ADAMTSL3: variants seen among roughly 807,000 people sequenced by gnomAD.
ADAMTSL3 encodes the protein ADAMTS-like protein 3.
In ADAMTSL3, 128 loss-of-function variants were observed where a neutral mutation model predicts 201.7. The ratio of observed to expected loss-of-function variants is 0.63; its 90% confidence interval spans 0.55 to 0.73. ADAMTSL3 has a LOEUF of 0.73. ADAMTSL3 is among the 30% of genes least tolerant of loss of function. ADAMTSL3 has a pLI of 0.00. For missense variants in ADAMTSL3, 1,990 were observed against 2,119.6 expected (o/e 0.94, Z 1.20); for synonymous variants, 738 against 748.4 (o/e 0.99, Z 0.23).
intron 5 of ADAMTSL3, among the ~76,000 whole-genome samples, chr15:83,816,401 C>G (rs1219153678): frequency 6.6e-6 from 1 of 152,212 alleles, no homozygotes; most frequent in Non-Finnish European, 1.5e-5. Context: ...TCTGGCCACC[C>G]TGAGGCTGAC....
At chr15:83,903,217 T>G (rs2065760309) in intron 15 of ADAMTSL3, among the ~76,000 whole-genome samples, 1 of 151,280 alleles carries the variant, frequency 6.6e-6, no homozygotes, top group Non-Finnish European at 1.5e-5. Flanking sequence ...TCACCAACAT[T>G]TTCTTTTTCT....
At chr15:83,807,389 G>A (rs2063617467) in intron 5 of ADAMTSL3, among the ~76,000 whole-genome samples, 1 of 152,150 alleles carries the variant, frequency 6.6e-6, no homozygotes, top group Non-Finnish European at 1.5e-5. Flanking sequence ...CCGGGAGGTG[G>A]GAGTTGCAGT....
chr15:83,687,620 A>G (rs1199917908), intron 2 of ADAMTSL3, among the ~76,000 whole-genome samples: 1 of 152,166 alleles, frequency 6.6e-6, no homozygotes, highest in Non-Finnish European at 1.5e-5. Flanking sequence ...TAATCTTTAC[A>G]TAGCCTACAG....
intron 9 of ADAMTSL3, among the ~76,000 whole-genome samples, chr15:83,875,542 TG>T (rs1164960612): frequency 6.6e-6 from 1 of 152,208 alleles, no homozygotes; most frequent in Middle Eastern, 3.2e-3. Flanking sequence ...ACCAGCACTT[TG>T]GGAGGCTGAG....
chr15:83,852,902 G>T (rs573361695), intron 7 of ADAMTSL3, among the ~76,000 whole-genome samples: 1 of 152,118 alleles, frequency 6.6e-6, no homozygotes, highest in Non-Finnish European at 1.5e-5. Context: ...TGTCGCCCAG[G>T]CTGGAATGCA....
chr15:83,692,205 G>C (rs2061618078), intron 2 of ADAMTSL3, among the ~76,000 whole-genome samples: 1 of 151,546 alleles, frequency 6.6e-6, no homozygotes, highest in South Asian at 2.1e-4. Context: ...GTATTGCAGG[G>C]GTTGATGTTA....
intron 6 of ADAMTSL3, among the ~76,000 whole-genome samples, chr15:83,821,770 A>T (rs2063871974): frequency 6.6e-6 from 1 of 151,542 alleles, no homozygotes; most frequent in South Asian, 2.1e-4. Context: ...CACCTCCCAG[A>T]CGGGGTGGTG....
intron 27 of ADAMTSL3, among the ~76,000 whole-genome samples, chr15:84,029,495 G>C (rs193220134): frequency 6.6e-6 from 1 of 152,192 alleles, no homozygotes; most frequent in Non-Finnish European, 1.5e-5. Flanking sequence ...GCATTCAAGA[G>C]GTGACTTGGA....
chr15:83,839,086 C>T (rs1461582203), intron 7 of ADAMTSL3, among the ~76,000 whole-genome samples: 1 of 152,138 alleles, frequency 6.6e-6, no homozygotes, highest in Non-Finnish European at 1.5e-5. Flanking sequence ...TCTGCCAGTA[C>T]TTTTATGGTT....
chr15:84,024,910 G>C (rs1207995717), intron 26 of ADAMTSL3, among the ~76,000 whole-genome samples: 2 of 152,214 alleles, frequency 1.3e-5, no homozygotes, highest in Non-Finnish European at 2.9e-5. Flanking sequence ...GTTTCAGTGA[G>C]TTGAACTCCA....
chr15:83,920,275 T>A (rs1023298234), intron 16 of ADAMTSL3, among the ~76,000 whole-genome samples: 1 of 152,166 alleles, frequency 6.6e-6, no homozygotes, highest in Non-Finnish European at 1.5e-5. Flanking sequence ...CCAAATCCCT[T>A]CAAATCATGA....
At chr15:83,967,173 G>A (rs2067105060) in intron 19 of ADAMTSL3, among the ~76,000 whole-genome samples, 3 of 152,134 alleles carry the variant, frequency 2.0e-5, no homozygotes, top group Non-Finnish European at 4.4e-5. Context: ...TGGAAATTCT[G>A]GCCAGGGCAA....
intron 3 of ADAMTSL3, among the ~76,000 whole-genome samples, chr15:83,709,788 A>T (rs2061908295): frequency 6.6e-6 from 1 of 151,992 alleles, no homozygotes; most frequent in Non-Finnish European, 1.5e-5. Flanking sequence ...TATTTTTAGC[A>T]TTTGTTAGGC....
At chr15:83,963,229 A>C (rs1298724418) in intron 19 of ADAMTSL3, among the ~76,000 whole-genome samples, 1 of 152,148 alleles carries the variant, frequency 6.6e-6, no homozygotes, top group African/African-American at 2.4e-5. Context: ...TCCCACCCCC[A>C]CAGAGCCCAG....
chr15:83,680,528 G>A (rs1339563196), intron 2 of ADAMTSL3, among the ~76,000 whole-genome samples: 1 of 99,972 alleles, frequency 1.0e-5, no homozygotes, highest in South Asian at 4.0e-4. Context: ...TTTTTTTTTT[G>A]ACTTAGGAAT....
At chr15:84,009,266 C>T (rs918227203) in intron 23 of ADAMTSL3, among the ~76,000 whole-genome samples, 1 of 152,216 alleles carries the variant, frequency 6.6e-6, no homozygotes, top group African/African-American at 2.4e-5. Context: ...TGCTCTTTTC[C>T]TGGCTCACAT....
At chr15:83,856,860 A>G (rs2064745855) in intron 7 of ADAMTSL3, among the ~76,000 whole-genome samples, 1 of 152,132 alleles carries the variant, frequency 6.6e-6, no homozygotes, top group South Asian at 2.1e-4. Context: ...TGGTAATTCT[A>G]TGTTTAATAT....
Position 83,791,629 on chromosome 15 carries a change from C to T in ADAMTSL3, c.318-13021C>T, listed in dbSNP as rs188621430. 4.6e-5 allele frequency among the ~76,000 whole-genome samples: 7 copies of T among 152,174 alleles called. No homozygotes were observed. The East Asian group carries it at 1.2e-3, about 25-fold the overall frequency. On this transcript the variant is annotated intron_variant, in intron 4 of 29. Coordinates refer to ENST00000286744, the MANE Select transcript of ADAMTSL3 (RefSeq NM_207517.3). ...ATCCCAACACTTTGGGAGGCCGAGGCGGGCAGATCACGAGGTCAGGAGATC... is the reference window on the plus strand; with the variant it reads ...ATCCCAACACTTTGGGAGGCCGAGGTGGGCAGATCACGAGGTCAGGAGATC...
At chr15:83,985,594 A>G (rs2067460372) in intron 21 of ADAMTSL3, among the ~76,000 whole-genome samples, 1 of 152,172 alleles carries the variant, frequency 6.6e-6, no homozygotes. Flanking sequence ...AAGATTTAGT[A>G]AGATTAATAC....
Sources: allele counts gnomAD v4.1 joint callset (sites outside exome capture counted in the v4.1 genomes callset), GRCh38; gene constraint gnomAD v4.1.1; transcripts MANE v1.5; gene names NCBI Gene and HGNC (gene_info 2026-07-23, HGNC 2026-07-21).